The following PRPS2 variants were observed in gnomAD, a reference collection of about 807,000 sequenced individuals.
PRPS2 encodes the protein ribose-phosphate pyrophosphokinase 2.
For synonymous variants in PRPS2, 111 were observed against 115.3 expected (o/e 0.96, Z 0.24); for missense variants, 104 against 271.5 (o/e 0.38, Z 4.34).
chrX:12,810,350 A>G, intron 4 of PRPS2: 1 of 453,295 alleles, frequency 2.2e-6, no homozygotes, highest in Non-Finnish European at 3.7e-6. Context: ...AAGAAAATAC[A>G]GAGACACACA....
At chrX:12,822,563 A>G (rs1337025167) in intron 6 of PRPS2, 141 bp from the exon 7 acceptor site, 1 of 565,015 alleles carries the variant, frequency 1.8e-6, no homozygotes, top group Non-Finnish European at 3.0e-6. Flanking sequence ...TGTCCTCTCA[A>G]AAGTGTCGGA....
chrX:12,820,388 C>T, intron 5 of PRPS2, among the ~76,000 whole-genome samples: 1 of 110,867 alleles, frequency 9.0e-6, no homozygotes, highest in Admixed American at 9.6e-5. Flanking sequence ...GTTGAATTTT[C>T]CCATAATGCG....
chrX:12,807,771 T>G (rs1257008985), intron 2 of PRPS2, among the ~76,000 whole-genome samples: 1 of 111,548 alleles, frequency 9.0e-6, no homozygotes, highest in Non-Finnish European at 1.9e-5. Context: ...GAAAAATATA[T>G]TTTCCTATAA....
rs1035818712 is a variant in PRPS2 at position 12,792,183 on chromosome X, A to G, written c.122+564A>G. 4.5e-4 allele frequency among the ~76,000 whole-genome samples: 51 copies of G among 112,554 alleles called. 1 individual carries two copies. The highest frequency in any genetic ancestry group is 1.5e-3 in the African/African-American group (47 of 31,026). ...CGCTGCTTCCCCCGACCTGCCCCCA[A>G]GGGTTTGATCCAACGGGCGGAGGAT... On this transcript the variant is annotated intron_variant, in intron 1 of 6. Coordinates refer to ENST00000380668, the MANE Select transcript of PRPS2 (RefSeq NM_002765.5).
chrX:12,792,339 C>G (rs1335455747), intron 1 of PRPS2, among the ~76,000 whole-genome samples: 1 of 112,328 alleles, frequency 8.9e-6, no homozygotes, highest in Non-Finnish European at 1.9e-5. Flanking sequence ...CTGGGCTCCC[C>G]TCTGCTCCCA....
At chrX:12,820,934 G>A in intron 6 of PRPS2, 131 bp downstream of exon 6, 1 of 691,110 alleles carries the variant, frequency 1.4e-6, no homozygotes, top group Non-Finnish European at 2.1e-6. Context: ...AGCTTCTCAT[G>A]ACGGCAGGAT....
rs755687444 is a variant in PRPS2 at position 12,791,490 on chromosome X, G to A, written c.-8G>A. 1.2e-5 allele frequency: 15 copies of A among 1,201,419 alleles called. No individual in the cohort carries two copies. The South Asian group carries it at 2.0e-4, about 16-fold the overall frequency. On this transcript the variant is annotated 5_prime_UTR_variant, in exon 1 of 7. Transcript: ENST00000380668. ...CGCCGCGCGCCCCTCGGAGTTCCGCGCCCCACCATGCCCAACATCGTGCTG... is the reference window on the plus strand; with the variant it reads ...CGCCGCGCGCCCCTCGGAGTTCCGCACCCCACCATGCCCAACATCGTGCTG...
intron 2 of PRPS2, among the ~76,000 whole-genome samples, chrX:12,804,088 A>G (rs2042582213): frequency 9.2e-6 from 1 of 109,272 alleles, no homozygotes; most frequent in African/African-American, 3.3e-5. Context: ...TCTTTCCCCA[A>G]ACTTCTGAAA....
At chrX:12,794,433 T>C (rs1466916603) in intron 1 of PRPS2, among the ~76,000 whole-genome samples, 1 of 111,672 alleles carries the variant, frequency 9.0e-6, no homozygotes, top group Non-Finnish European at 1.9e-5. Context: ...GCTTGCAAGT[T>C]GGTGTATCAT....
intron 2 of PRPS2, among the ~76,000 whole-genome samples, chrX:12,805,131 G>T (rs2042587391): frequency 8.9e-6 from 1 of 111,935 alleles, no homozygotes; most frequent in South Asian, 3.7e-4. Flanking sequence ...TGAAGGAATG[G>T]TTTCATAAAT....
chrX:12,808,975 T>C (rs1424440482), intron 2 of PRPS2, among the ~76,000 whole-genome samples: 1 of 112,615 alleles, frequency 8.9e-6, no homozygotes, highest in Non-Finnish European at 1.9e-5. Flanking sequence ...CATGTACATA[T>C]GTTTAACTGT....
intron 6 of PRPS2, 131 bp from the exon 7 acceptor site, chrX:12,822,573 A>G: frequency 1.7e-6 from 1 of 602,111 alleles, no homozygotes; most frequent in Non-Finnish European, 2.8e-6. Flanking sequence ...AAAGTGTCGG[A>G]AGTTTTGATA....
intron 1 of PRPS2, among the ~76,000 whole-genome samples, chrX:12,792,698 C>A (rs140465584): frequency 1.8e-5 from 2 of 112,392 alleles, no homozygotes; most frequent in East Asian, 5.5e-4. Context: ...CAGTTGGACA[C>A]CCATATGCCA....
chrX:12,809,999 A>G, intron 3 of PRPS2, 23 bp from the exon 4 acceptor site: 10 of 1,156,500 alleles, frequency 8.6e-6, no homozygotes, highest in African/African-American at 1.8e-5. Context: ...ACCCTGCAAC[A>G]TGACACTCAC....
intron 1 of PRPS2, among the ~76,000 whole-genome samples, chrX:12,794,263 T>C (rs971554219): frequency 8.9e-6 from 1 of 111,745 alleles, no homozygotes; most frequent in Admixed American, 9.5e-5. Flanking sequence ...CTGAAGTTGT[T>C]ACTAGCTTTT....
At chrX:12,806,540 C>T (rs1486175411) in intron 2 of PRPS2, among the ~76,000 whole-genome samples, 1 of 112,458 alleles carries the variant, frequency 8.9e-6, no homozygotes, top group African/African-American at 3.2e-5. Flanking sequence ...ACTAGTAAAT[C>T]ATTTTTCCTG....
intron 1 of PRPS2, among the ~76,000 whole-genome samples, chrX:12,797,274 C>T (rs2042549233): frequency 9.1e-6 from 1 of 110,151 alleles, no homozygotes; most frequent in Admixed American, 9.7e-5. Context: ...AGGATAATCA[C>T]TTGAACCTGG....
rs60542225 is a variant in PRPS2 at position 12,823,316 on chromosome X, C to CTT, written c.*535_*536dup. The stretch of plus-strand genomic sequence containing the variant: ...ATAATACCATGGATTTTGAATTTTC[C>CTT]TTTTTTTTTTTTTTTTGGATAACTC... On this transcript the variant is annotated 3_prime_UTR_variant, in exon 7 of 7. Coordinates refer to ENST00000380668, the MANE Select transcript of PRPS2 (RefSeq NM_002765.5). The CTT allele has an allele frequency of 0.24, 20,475 of 86,075 alleles. 2,347 individuals carry two copies. Among genetic ancestry groups the CTT allele is most frequent in the African/African-American group, 0.29 (6,643 of 22,608 alleles). 7.1% of individuals were successfully genotyped at this position (86,075 alleles called of 1,213,427 possible).
chrX:12,817,245 T>C (rs1331751678), intron 4 of PRPS2, among the ~76,000 whole-genome samples: 1 of 110,920 alleles, frequency 9.0e-6, no homozygotes, highest in East Asian at 2.8e-4. Flanking sequence ...GGAACATATT[T>C]GCAAAAAGTT....
Sources: allele counts gnomAD v4.1 joint callset (sites outside exome capture counted in the v4.1 genomes callset), GRCh38; gene constraint gnomAD v4.1.1; transcripts MANE v1.5; gene names NCBI Gene and HGNC (gene_info 2026-07-23, HGNC 2026-07-21).